The following NRXN3 variants were observed in gnomAD, a reference collection of about 807,000 sequenced individuals.
NRXN3 encodes the protein neurexin 3.
A neutral mutation model predicts 137.6 loss-of-function variants in NRXN3; 32 were observed. The ratio of observed to expected loss-of-function variants is 0.23; its 90% confidence interval spans 0.18 to 0.31. The LOEUF (loss-of-function observed/expected upper bound fraction) is 0.31, where lower values mean the gene tolerates loss of function less well. NRXN3 is among the 10% of genes least tolerant of loss of function. The pLI is 1.00. For missense variants in NRXN3, 1,574 were observed against 2,062.5 expected, an observed-to-expected ratio of 0.76 and a Z score of 4.59; for synonymous variants, 798 against 784.5, an observed-to-expected ratio of 1.02 and a Z score of -0.29.
chr14:79,115,383 T>C (rs2054275826), intron 15 of NRXN3, among the ~76,000 whole-genome samples: 1 of 150,802 alleles, frequency 6.6e-6, no homozygotes, highest in African/African-American at 2.4e-5. Flanking sequence ...AGTAAGAGAA[T>C]CCTTTATTGC....
chr14:78,454,904 G>C (rs2094648206), intron 4 of NRXN3, among the ~76,000 whole-genome samples: 1 of 152,196 alleles, frequency 6.6e-6, no homozygotes, highest in South Asian at 2.1e-4. Flanking sequence ...GGGTCATGAA[G>C]AGCCTTGCAA....
At chr14:78,641,576 T>C (rs921825676) in intron 4 of NRXN3, among the ~76,000 whole-genome samples, 2 of 152,254 alleles carry the variant, frequency 1.3e-5, no homozygotes, top group Non-Finnish European at 2.9e-5. Context: ...CATTTGCTTA[T>C]GTAGGATACG....
intron 16 of NRXN3, among the ~76,000 whole-genome samples, chr14:79,652,759 T>C (rs1182440233): frequency 1.3e-5 from 2 of 152,000 alleles, no homozygotes; most frequent in Non-Finnish European, 1.5e-5. Flanking sequence ...CTTTTCATAT[T>C]TCTGCTTGGG....
intron 15 of NRXN3, among the ~76,000 whole-genome samples, chr14:79,137,564 A>G (rs966744369): frequency 1.3e-5 from 2 of 152,190 alleles, no homozygotes; most frequent in Non-Finnish European, 2.9e-5. Context: ...GGTTATATAA[A>G]TTGAGTCTAA....
rs367765843 is a variant in NRXN3, at chr14:79,512,802, C to G, written c.3444+45400C>G. 2.3e-4 allele frequency among the ~76,000 whole-genome samples: 35 copies of G among 152,286 alleles called. No individual in the cohort carries two copies. The East Asian group carries it at 5.8e-3, about 25-fold the overall frequency. ...CCTCCATTTACTCCACAGTCCGTCT[C>G]TTCTAGAATGAAAGCTCCCACAAAT... On this transcript the variant is annotated intron_variant, in intron 16 of 20. Transcript: ENST00000335750.
rs148711819 is a variant in NRXN3 at position 79,495,794 on chromosome 14, A to G, written c.3444+28392A>G. ...ATAGTATTTTTGATAAATAATTTAT[A>G]TATTTTATGAAGACCTTTACAATGA... On this transcript the variant is annotated intron_variant, in intron 16 of 20. Coordinates refer to ENST00000335750, the MANE Select transcript of NRXN3 (RefSeq NM_001330195.2). 7.4e-3 allele frequency among the ~76,000 whole-genome samples: 1,127 copies of G among 152,178 alleles called. 17 individuals carry two copies. Among genetic ancestry groups the G allele is most frequent in the African/African-American group, 0.025 (1,034 of 41,540 alleles).
chr14:79,830,477 T>C (rs2099319937), intron 20 of NRXN3, among the ~76,000 whole-genome samples: 1 of 152,150 alleles, frequency 6.6e-6, no homozygotes, highest in South Asian at 2.1e-4. Flanking sequence ...AGTAAGAGAA[T>C]AGCTTGGTGT....
chr14:79,253,526 T>C (rs1196685185), intron 15 of NRXN3, among the ~76,000 whole-genome samples: 1 of 152,232 alleles, frequency 6.6e-6, no homozygotes, highest in South Asian at 2.1e-4. Context: ...TTTCTTCTTA[T>C]ATTGCTACTC....
chr14:78,707,359 A>G (rs890278616), intron 6 of NRXN3, among the ~76,000 whole-genome samples: 5 of 152,142 alleles, frequency 3.3e-5, no homozygotes, highest in African/African-American at 1.2e-4. Flanking sequence ...ATCCTTGTCT[A>G]TTTCCCTTCC....
chr14:78,569,277 A>G (rs1307841893), intron 4 of NRXN3, among the ~76,000 whole-genome samples: 1 of 93,670 alleles, frequency 1.1e-5, no homozygotes, highest in South Asian at 3.1e-4. Context: ...CCTTTTCTTT[A>G]TTTTTTGAGA....
intron 8 of NRXN3, among the ~76,000 whole-genome samples, chr14:78,754,088 A>G (rs1351767991): frequency 1.3e-5 from 2 of 152,190 alleles, no homozygotes; most frequent in African/African-American, 4.8e-5. Flanking sequence ...CACAGGAAAG[A>G]AAATGTTTGA....
chr14:78,226,101 T>G (rs1269638202), intron 1 of NRXN3, among the ~76,000 whole-genome samples: 1 of 151,942 alleles, frequency 6.6e-6, no homozygotes, highest in African/African-American at 2.4e-5. Context: ...CCTCCTGGGT[T>G]CAAGCGATTC....
At chr14:79,169,193 C>T (rs1052601136) in intron 15 of NRXN3, among the ~76,000 whole-genome samples, 3 of 152,040 alleles carry the variant, frequency 2.0e-5, no homozygotes, top group African/African-American at 7.2e-5. Flanking sequence ...AGATTTTCTG[C>T]CTTTCACAGC....
At chr14:78,411,060 TATGAAAATTAA>T (rs1455455771) in intron 4 of NRXN3, among the ~76,000 whole-genome samples, 2 of 152,178 alleles carry the variant, frequency 1.3e-5, no homozygotes, top group African/African-American at 2.4e-5. Context: ...ATGAAGAAAT[TATGAAAATTAA>T]ATGAAAATGT....
At chr14:78,580,408 T>C (rs574953420) in intron 4 of NRXN3, among the ~76,000 whole-genome samples, 3 of 152,216 alleles carry the variant, frequency 2.0e-5, no homozygotes, top group Non-Finnish European at 4.4e-5. Context: ...TTGGTAATCA[T>C]GGACTCACTT....
chr14:79,523,590 A>G (rs1282868141), intron 16 of NRXN3, among the ~76,000 whole-genome samples: 2 of 152,224 alleles, frequency 1.3e-5, no homozygotes, highest in African/African-American at 4.8e-5. Context: ...CTGCACATGC[A>G]AAGCCCTGCT....
At chr14:78,320,091 C>T (rs144486930) in intron 4 of NRXN3, among the ~76,000 whole-genome samples, 2 of 152,252 alleles carry the variant, frequency 1.3e-5, no homozygotes, top group African/African-American at 2.4e-5. Context: ...GAAACATTTA[C>T]CTGGTGTCTT....
intron 8 of NRXN3, among the ~76,000 whole-genome samples, chr14:78,767,666 G>A (rs1034802721): frequency 3.9e-5 from 6 of 152,184 alleles, no homozygotes; most frequent in East Asian, 1.9e-4. Context: ...CCTTACTGGT[G>A]TAGACAAAAA....
chr14:79,059,688 G>A (rs1444377354), intron 15 of NRXN3, among the ~76,000 whole-genome samples: 1 of 152,004 alleles, frequency 6.6e-6, no homozygotes, highest in Non-Finnish European at 1.5e-5. Flanking sequence ...TCAGCTTTTT[G>A]GCTTTTCTGA....
Sources: gnomAD v4.1 joint callset for allele counts (sites outside exome capture counted in the v4.1 genomes callset) on GRCh38, gnomAD v4.1.1 for gene constraint, MANE v1.5 for transcripts, NCBI Gene and HGNC (gene_info 2026-07-23, HGNC 2026-07-21) for gene names.